Variants in DTNB observed in about 807,000 individuals in gnomAD.
DTNB encodes the protein dystrobrevin beta.
In DTNB, 63 loss-of-function variants were observed where a neutral mutation model predicts 90.7. The observed-to-expected ratio is 0.69, with a 90% CI of 0.57 to 0.86. The LOEUF (loss-of-function observed/expected upper bound fraction) is 0.86. Ranked by LOEUF, DTNB falls within the 40% of genes least tolerant of loss-of-function variation. DTNB has a pLI of 0.00. For missense variants in DTNB, 744 were observed against 807.1 expected (o/e 0.92, Z 0.95); for synonymous variants, 277 against 286.7 (o/e 0.97, Z 0.34).
At chr2:25,402,488 T>A (rs1384933496) in intron 16 of DTNB, among the ~76,000 whole-genome samples, 1 of 152,064 alleles carries the variant, frequency 6.6e-6, no homozygotes, top group African/African-American at 2.4e-5. Context: ...AGCATGAAAG[T>A]GGAGTCTTTT....
chr2:25,420,783 G>T (rs933282203), intron 15 of DTNB, among the ~76,000 whole-genome samples: 1 of 152,134 alleles, frequency 6.6e-6, no homozygotes, highest in African/African-American at 2.4e-5. Flanking sequence ...GCACCTGGCC[G>T]GTCTCTGTCT....
At chr2:25,445,178 A>G (rs2058208287) in intron 12 of DTNB, among the ~76,000 whole-genome samples, 1 of 152,192 alleles carries the variant, frequency 6.6e-6, no homozygotes, top group Non-Finnish European at 1.5e-5. Context: ...AAATATACTT[A>G]ATTTTTAAAA....
At chr2:25,532,245 C>CAAAAAAAAAAAAAAAAAAAAA in intron 8 of DTNB, among the ~76,000 whole-genome samples, 1 of 74,304 alleles carries the variant, frequency 1.3e-5, no homozygotes, top group Non-Finnish European at 2.9e-5. Flanking sequence ...AACTCTGTCT[C>CAAAAAAAAAAAAAAAAAAAAA]AAAAAAAAAA....
At chr2:25,414,358 G>A (rs1252686578) in intron 16 of DTNB, among the ~76,000 whole-genome samples, 4 of 152,158 alleles carry the variant, frequency 2.6e-5, no homozygotes, top group African/African-American at 7.2e-5. Context: ...CTGGGTTCAC[G>A]CCATTCTCCT....
At chr2:25,472,822 T>G (rs1432903535) in intron 10 of DTNB, among the ~76,000 whole-genome samples, 3 of 152,192 alleles carry the variant, frequency 2.0e-5, no homozygotes, top group Admixed American at 2.0e-4. Flanking sequence ...AAGCAGAGGT[T>G]GCAGTGAGCC....
At chr2:25,496,259 A>G (rs1242426632) in intron 9 of DTNB, among the ~76,000 whole-genome samples, 1 of 152,194 alleles carries the variant, frequency 6.6e-6, no homozygotes, top group Non-Finnish European at 1.5e-5. Flanking sequence ...TATTTTTAAA[A>G]ACCTTTCCAT....
At chr2:25,578,675 TAAGA>T (rs1387769604) in intron 7 of DTNB, among the ~76,000 whole-genome samples, 1 of 152,166 alleles carries the variant, frequency 6.6e-6, no homozygotes, top group African/African-American at 2.4e-5. Flanking sequence ...CAATTATAAA[TAAGA>T]AAGAGAAGGA....
At chr2:25,590,158 G>A (rs1465089784) in intron 6 of DTNB, among the ~76,000 whole-genome samples, 3 of 152,248 alleles carry the variant, frequency 2.0e-5, no homozygotes, top group Non-Finnish European at 4.4e-5. Context: ...TTACAGCCCC[G>A]GCCTGGGGAG....
intron 12 of DTNB, among the ~76,000 whole-genome samples, chr2:25,446,031 A>G (rs967233932): frequency 4.6e-5 from 7 of 152,082 alleles, no homozygotes; most frequent in African/African-American, 1.7e-4. Context: ...ACTGGCACAA[A>G]GTAAATATTC....
At chr2:25,657,640 G>A (rs2082318020) in intron 1 of DTNB, among the ~76,000 whole-genome samples, 1 of 151,898 alleles carries the variant, frequency 6.6e-6, no homozygotes, top group African/African-American at 2.4e-5. Flanking sequence ...AGGATCGCTT[G>A]TGCCCAGGAG....
At chr2:25,403,162 C>T (rs1394141690) in intron 16 of DTNB, among the ~76,000 whole-genome samples, 1 of 152,210 alleles carries the variant, frequency 6.6e-6, no homozygotes, top group Non-Finnish European at 1.5e-5. Context: ...GTCACCCAGG[C>T]TGGAGCGCAG....
At chr2:25,568,478 A>T (rs893671169) in intron 8 of DTNB, among the ~76,000 whole-genome samples, 4 of 151,396 alleles carry the variant, frequency 2.6e-5, no homozygotes, top group Non-Finnish European at 4.4e-5. Flanking sequence ...ATAGTGATTT[A>T]AAAAAAAACA....
chr2:25,430,092 G>A (rs1264678667), intron 14 of DTNB, among the ~76,000 whole-genome samples: 1 of 151,872 alleles, frequency 6.6e-6, no homozygotes, highest in Non-Finnish European at 1.5e-5. Context: ...AAAGGTGGTA[G>A]GGAATAAATA....
intron 10 of DTNB, among the ~76,000 whole-genome samples, chr2:25,475,235 A>T (rs1418645661): frequency 6.6e-6 from 1 of 152,242 alleles, no homozygotes; most frequent in East Asian, 1.9e-4. Flanking sequence ...CTCTTGAAGG[A>T]AATTAAAAGT....
At chr2:25,439,381 T>C (rs548288356) in intron 12 of DTNB, among the ~76,000 whole-genome samples, 1 of 152,124 alleles carries the variant, frequency 6.6e-6, no homozygotes, top group Non-Finnish European at 1.5e-5. Context: ...CGCGTGCCTG[T>C]AGTCCCAGCT....
chr2:25,426,765 T>C (rs972856259), intron 15 of DTNB: 4 of 152,216 alleles, frequency 2.6e-5, no homozygotes, highest in African/African-American at 9.7e-5. Context: ...TTATATACAT[T>C]CTACTGGTCC....
chr2:25,457,613 G>A (rs2060245899), intron 10 of DTNB, among the ~76,000 whole-genome samples: 1 of 152,014 alleles, frequency 6.6e-6, no homozygotes, highest in Non-Finnish European at 1.5e-5. Context: ...GGCAGCGCTT[G>A]CAGATACAGC....
At chr2:25,554,241 CAG>C (rs2056890862) in intron 8 of DTNB, among the ~76,000 whole-genome samples, 1 of 152,146 alleles carries the variant, frequency 6.6e-6, no homozygotes, top group East Asian at 1.9e-4. Context: ...CAAATGGAGA[CAG>C]GGGGATGAGG....
intron 6 of DTNB, among the ~76,000 whole-genome samples, chr2:25,583,971 A>G (rs769343640): frequency 3.3e-5 from 5 of 152,176 alleles, no homozygotes; most frequent in African/African-American, 4.8e-5. Flanking sequence ...GAGGAATGAA[A>G]CTAGCAGAGC....
Sources: gnomAD v4.1 joint callset for allele counts (sites outside exome capture counted in the v4.1 genomes callset) on GRCh38, gnomAD v4.1.1 for gene constraint, MANE v1.5 for transcripts, NCBI Gene and HGNC (gene_info 2026-07-23, HGNC 2026-07-21) for gene names.